TAF4: variants seen among roughly 807,000 people sequenced by gnomAD.
The protein encoded by TAF4 is transcription initiation factor TFIID subunit 4.
In TAF4, 9 loss-of-function variants were observed where a neutral mutation model predicts 90.3. That is an observed-to-expected ratio of 0.10 (90% confidence interval 0.06 to 0.17). TAF4 has a LOEUF of 0.17. TAF4 is among the 10% of genes least tolerant of loss of function. The pLI is 1.00. For synonymous variants in TAF4, 818 were observed against 638.9 expected (o/e 1.28, Z -4.23); for missense variants, 1,351 against 1,370.7 (o/e 0.99, Z 0.23).
intron 1 of TAF4, among the ~76,000 whole-genome samples, chr20:62,029,992 C>A (rs951104527): frequency 2.0e-5 from 3 of 152,170 alleles, no homozygotes; most frequent in Non-Finnish European, 4.4e-5. Context: ...AAGAACAGTG[C>A]GCCGCAGGGG....
intron 5 of TAF4, among the ~76,000 whole-genome samples, chr20:62,008,691 G>A (rs28382071): frequency 0.12 from 18,243 of 152,098 alleles, 1,447 homozygotes; most frequent in East Asian, 0.44. Context: ...TTTATAAGAG[G>A]TCACACAGGA....
chr20:62,056,503 G>A (rs1010287774), intron 1 of TAF4, among the ~76,000 whole-genome samples: 2 of 152,076 alleles, frequency 1.3e-5, no homozygotes, highest in African/African-American at 2.4e-5. Flanking sequence ...TAGACATGAA[G>A]GCATTCACCT....
chr20:62,065,760 C>T lies in TAF4; in HGVS notation c.51G>A (p.Val17=). 3 of 1,349,254 alleles carry T rather than the reference C, an allele frequency of 2.2e-6. No individual in the cohort carries two copies. The highest frequency in any genetic ancestry group is 2.9e-6 in the Non-Finnish European group (3 of 1,032,984). 83.6% of individuals were successfully genotyped at this position (1,349,254 alleles called of 1,614,324 possible). A position where few individuals can be genotyped will look rare whatever the true frequency, so the allele number is the denominator to read the frequency against. The change falls in exon 1 of 15, where the codon GTG becomes GTA. Residue 17 remains valine (V), a synonymous_variant. Coordinates refer to ENST00000252996, the MANE Select transcript of TAF4 (RefSeq NM_003185.4). ...CCAGGTCGCTCACCACTTTCTCGTC[C>T]ACCTCGCTGTTGAAGAAGACCTCGT... ...LLDEVFFNSE[V]DEKVVSDLVG... is the part of the protein sequence containing the mutation.
At chr20:62,056,789 A>G (rs1245442539) in intron 1 of TAF4, among the ~76,000 whole-genome samples, 1 of 152,196 alleles carries the variant, frequency 6.6e-6, no homozygotes, top group Non-Finnish European at 1.5e-5. Flanking sequence ...TTACTTCCCA[A>G]ACTTCCTATA....
intron 1 of TAF4, among the ~76,000 whole-genome samples, chr20:62,041,533 A>G (rs1168859635): frequency 6.6e-6 from 1 of 152,056 alleles, no homozygotes; most frequent in African/African-American, 2.4e-5. Context: ...GGAGGCTGAG[A>G]CAGGAGAATT....
chr20:61,978,762 ACC>A (rs1262686421), intron 14 of TAF4, among the ~76,000 whole-genome samples: 61 of 152,260 alleles, frequency 4.0e-4, no homozygotes, highest in Non-Finnish European at 6.6e-4. Context: ...GGCTGAGGCC[ACC>A]CCCAGGGCCC....
In TAF4 at chr20:62,010,691, G is replaced by C. The variant is rs1397650964; in HGVS notation, c.1642-526C>G. Among the ~76,000 whole-genome samples the C allele has an allele frequency of 6.6e-6, 1 of 152,088 alleles. No homozygotes were observed. Among genetic ancestry groups the C allele is most frequent in the African/African-American group, 2.4e-5 (1 of 41,414 alleles). On this transcript the variant is annotated intron_variant, in intron 3 of 14. Coordinates refer to ENST00000252996, the MANE Select transcript of TAF4 (RefSeq NM_003185.4). This position sits in a 1 kb window ranked among gnomAD's most constrained non-coding sequence, Gnocchi z 4.5. ...ACCCACCTTTCTTTACTCCCCAAAA[G>C]TGAGTGTCAACAAGAAGCCTCCCAC... is the stretch of plus-strand genomic sequence containing the variant.
chr20:62,065,333 G>A lies in TAF4; in HGVS notation c.478C>T (p.Pro160Ser), dbSNP rs1238139991. 1.0e-6 allele frequency: 1 copy of A among 953,936 alleles called. No individual in the cohort carries two copies. The highest frequency in any genetic ancestry group is 4.9e-5 in the South Asian group (1 of 20,598). 59.1% of individuals were successfully genotyped at this position (953,936 alleles called of 1,614,324 possible). A position where few individuals can be genotyped will look rare whatever the true frequency, so the allele number is the denominator to read the frequency against. The part of the protein sequence containing the change: ...PEPAPAGPAK[P>S]AGPAALAARA... ...GCGGCCAGCGCGGCGGGGCCGGCGG[G>A]CTTGGCGGGGCCGGCGGGGGCGGGC... Residue 160 changes from proline (P) to serine (S), a missense_variant, in exon 1 of 15, where the codon CCC (proline) becomes TCC (serine). Physicochemically the swap from Pro to Ser is moderately conservative, Grantham distance 74. Transcript: ENST00000252996.
intron 1 of TAF4, among the ~76,000 whole-genome samples, chr20:62,042,417 C>G (rs182307823): frequency 1.3e-3 from 203 of 152,374 alleles, no homozygotes; most frequent in South Asian, 9.9e-3. Context: ...CTGGACACCG[C>G]ACAAGGACTC....
chr20:62,018,237 T>C (rs1044037688), intron 1 of TAF4, among the ~76,000 whole-genome samples: 1 of 152,226 alleles, frequency 6.6e-6, no homozygotes, highest in Non-Finnish European at 1.5e-5. Context: ...TCCCTGGTTA[T>C]TGTATCACAG....
At chr20:62,018,915 G>A (rs999856012) in intron 1 of TAF4, among the ~76,000 whole-genome samples, 10 of 152,140 alleles carry the variant, frequency 6.6e-5, no homozygotes, top group African/African-American at 2.4e-4. Context: ...GGAAGCTGGG[G>A]CCTGGGACCC....
chr20:62,044,812 G>A (rs1306629892), intron 1 of TAF4, among the ~76,000 whole-genome samples: 3 of 152,188 alleles, frequency 2.0e-5, no homozygotes, highest in African/African-American at 7.2e-5. Context: ...GAAACTGCTC[G>A]AGAGTCATTT....
Position 62,016,226 on chromosome 20 carries a change from C to T in TAF4, c.1361-1519G>A, listed in dbSNP as rs73915530. 4.5e-3 allele frequency among the ~76,000 whole-genome samples: 680 copies of T among 152,348 alleles called. 3 individuals carry two copies. Among genetic ancestry groups the T allele is most frequent in the African/African-American group, 0.016 (658 of 41,580 alleles). On this transcript the variant is annotated intron_variant, in intron 1 of 14. Coordinates refer to ENST00000252996, the MANE Select transcript of TAF4 (RefSeq NM_003185.4). ...GCCTGGGGACCCCAAAACAAGACACCTGGTAAATACCCCCATGTATGTGGT... is the reference window on the plus strand; with the variant it reads ...GCCTGGGGACCCCAAAACAAGACACTTGGTAAATACCCCCATGTATGTGGT...
chr20:61,997,712 G>A, intron 13 of TAF4, 43 bp from the exon 14 acceptor site: 1 of 1,579,680 alleles, frequency 6.3e-7, no homozygotes, highest in South Asian at 1.2e-5. Context: ...TTTCTTGCAT[G>A]TTTTTTACTT....
chr20:62,028,752 C>A (rs1477137634), intron 1 of TAF4, among the ~76,000 whole-genome samples: 2 of 152,192 alleles, frequency 1.3e-5, no homozygotes, highest in Admixed American at 1.3e-4. Context: ...ACCTCCAACA[C>A]AGATCTCCTT....
intron 14 of TAF4, among the ~76,000 whole-genome samples, chr20:61,978,009 CG>C (rs755476167): frequency 2.8e-4 from 42 of 152,348 alleles, no homozygotes; most frequent in Non-Finnish European, 5.3e-4. Context: ...GATATTCTAA[CG>C]CAAGTGTCAG....
rs2056114577 is a variant in TAF4 at position 62,064,830 on chromosome 20, G to A, written c.981C>T (p.Gly327=). Residue 327 remains glycine, a synonymous_variant, in exon 1 of 15, where the codon GGC becomes GGT. Transcript: ENST00000252996. The part of the protein sequence containing the change: ...PAAGGPAGVS[G]QPGPGAAAAA... ...CAGCCGCCGCGCCGGGCCCGGGTTG[G>A]CCGCTGACCCCCGCGGGGCCCCCGG... 1.0e-6 allele frequency: 1 copy of A among 973,992 alleles called. No homozygotes were observed. The highest frequency in any genetic ancestry group is 1.2e-6 in the Non-Finnish European group (1 of 824,190). The allele number at this position is 973,992 out of a possible 1,614,324, so 60.3% of individuals were successfully genotyped here.
intron 1 of TAF4, among the ~76,000 whole-genome samples, chr20:62,047,493 C>T (rs2056000121): frequency 6.6e-6 from 1 of 152,214 alleles, no homozygotes; most frequent in Non-Finnish European, 1.5e-5. Flanking sequence ...ACCTGCTCTA[C>T]CCTCTTCCCT....
intron 1 of TAF4, among the ~76,000 whole-genome samples, chr20:62,018,904 A>C (rs1174970131): frequency 6.6e-6 from 1 of 152,224 alleles, no homozygotes; most frequent in Non-Finnish European, 1.5e-5. Flanking sequence ...AGTTAAGGTC[A>C]GGAAGCTGGG....
Sources: gnomAD v4.1 joint callset for allele counts (sites outside exome capture counted in the v4.1 genomes callset) on GRCh38, gnomAD v4.1.1 for gene constraint, Gnocchi (gnomAD v3.1) non-coding constraint, MANE v1.5 for transcripts, NCBI Gene and HGNC (gene_info 2026-07-23, HGNC 2026-07-21) for gene names.